PAPPA: variants seen among roughly 807,000 people sequenced by gnomAD.
The protein encoded by PAPPA is pappalysin-1.
A neutral mutation model predicts 164.0 loss-of-function variants in PAPPA; 60 were observed. The ratio of observed to expected loss-of-function variants is 0.37; its 90% CI spans 0.30 to 0.45. The LOEUF is 0.45. Among genes scored for constraint, PAPPA ranks in the 20% least tolerant of loss-of-function variants. PAPPA has a pLI of 1.00. For missense variants in PAPPA, 1,782 were observed against 2,087.3 expected (o/e 0.85, Z 2.85); for synonymous variants, 875 against 814.1 (o/e 1.07, Z -1.27).
At chr9:116,339,125 C>T (rs958191372) in intron 13 of PAPPA, among the ~76,000 whole-genome samples, 1 of 152,166 alleles carries the variant, frequency 6.6e-6, no homozygotes, top group Non-Finnish European at 1.5e-5. Context: ...GGCTGGTGTT[C>T]CATAGACCAT....
At chr9:116,228,517 G>C (rs1301328506) in intron 6 of PAPPA, among the ~76,000 whole-genome samples, 1 of 152,144 alleles carries the variant, frequency 6.6e-6, no homozygotes, top group African/African-American at 2.4e-5. Flanking sequence ...GCCAGAGATA[G>C]AATAAAGCAA....
intron 10 of PAPPA, among the ~76,000 whole-genome samples, chr9:116,328,677 T>C (rs1314611342): frequency 2.0e-5 from 3 of 152,222 alleles, no homozygotes; most frequent in Admixed American, 2.0e-4. Context: ...GCTTTATATA[T>C]ACAACAGGTG....
intron 9 of PAPPA, among the ~76,000 whole-genome samples, chr9:116,295,553 CAAA>C (rs56171405): frequency 1.7e-5 from 2 of 114,716 alleles, no homozygotes; most frequent in African/African-American, 3.6e-5. Flanking sequence ...GACTCGGTCT[CAAA>C]AAAAAAAAAA....
intron 2 of PAPPA, among the ~76,000 whole-genome samples, chr9:116,189,684 T>C (rs1372975900): frequency 6.6e-6 from 1 of 152,198 alleles, no homozygotes; most frequent in Non-Finnish European, 1.5e-5. Context: ...ATATCCACTT[T>C]CTTGTTTTTC....
At chr9:116,373,884 T>C (rs1459957303) in intron 19 of PAPPA, among the ~76,000 whole-genome samples, 1 of 152,118 alleles carries the variant, frequency 6.6e-6, no homozygotes, top group Non-Finnish European at 1.5e-5. Flanking sequence ...TTTTCTCTTG[T>C]GTAAACCAGA....
At chr9:116,385,044 G>A (rs1275425418) in intron 21 of PAPPA, among the ~76,000 whole-genome samples, 2 of 151,720 alleles carry the variant, frequency 1.3e-5, no homozygotes, top group African/African-American at 4.8e-5. Flanking sequence ...GACCAGCCTC[G>A]CCAAGATGGT....
chr9:116,360,576 A>G (rs1846412955), intron 17 of PAPPA, among the ~76,000 whole-genome samples: 1 of 152,112 alleles, frequency 6.6e-6, no homozygotes. Context: ...TTCATTCATA[A>G]TTTATTCCCT....
intron 17 of PAPPA, among the ~76,000 whole-genome samples, chr9:116,360,514 G>C (rs1347670747): frequency 6.6e-6 from 1 of 152,094 alleles, no homozygotes; most frequent in Admixed American, 6.5e-5. Flanking sequence ...TCACATAGGG[G>C]AGCCTCAGCC....
intron 8 of PAPPA, among the ~76,000 whole-genome samples, chr9:116,267,865 G>A (rs1178586538): frequency 1.7e-5 from 2 of 114,786 alleles, no homozygotes; most frequent in Non-Finnish European, 3.3e-5. Context: ...CTGGGCGACA[G>A]AGCGAGACTC....
At chr9:116,255,159 G>T (rs1412019155) in intron 7 of PAPPA, among the ~76,000 whole-genome samples, 3 of 151,816 alleles carry the variant, frequency 2.0e-5, no homozygotes, top group Admixed American at 6.6e-5. Context: ...TAGTTTTTGT[G>T]GTCTGTATTT....
chr9:116,322,840 C>T (rs1845876356), intron 10 of PAPPA, among the ~76,000 whole-genome samples: 1 of 151,966 alleles, frequency 6.6e-6, no homozygotes, highest in African/African-American at 2.4e-5. Context: ...TTTATGGGTA[C>T]TGTTAGTGTC....
chr9:116,362,455 A>C lies in PAPPA; in HGVS notation c.4348-137A>C, dbSNP rs1025161047. 3 of 876,616 alleles carry C rather than the reference A, an allele frequency of 3.4e-6. No homozygotes were observed. In the East Asian group the frequency reaches 8.2e-5, roughly 24 times the overall value. 54.3% of individuals were successfully genotyped at this position (876,616 alleles called of 1,614,324 possible). A position where few individuals can be genotyped will look rare whatever the true frequency, so the allele number is the denominator to read the frequency against. On this transcript the variant is annotated intron_variant, in intron 17 of 21. Transcript: ENST00000328252. ...CCTCTTTCAGGGTGGTTGAGTTTCA[A>C]CCATTGTTAAGAAATTGTTTTGGAA...
At chr9:116,241,956 T>C (rs998276457) in intron 7 of PAPPA, among the ~76,000 whole-genome samples, 6 of 152,172 alleles carry the variant, frequency 3.9e-5, no homozygotes, top group African/African-American at 1.2e-4. Context: ...TATGTATTAA[T>C]TTATTCATTC....
chr9:116,371,943 G>A (rs1002034659), intron 19 of PAPPA, among the ~76,000 whole-genome samples: 6 of 152,118 alleles, frequency 3.9e-5, no homozygotes, highest in Non-Finnish European at 8.8e-5. Flanking sequence ...CTATCACTAC[G>A]AATTGGTTTT....
Position 116,154,155 on chromosome 9 carries a change from C to CGGGGGGGAGGGGGCGAGGGGGGGGG in PAPPA, c.-12_-11insGAGGGGGCGAGGGGGGGGGGGGGGG. The stretch of plus-strand genomic sequence containing the variant: ...TGGCGGTGCAGGGGCGAAGGGGGGG[C>CGGGGGGGAGGGGGCGAGGGGGGGGG]GGGGGGAACCGTCGGACATGCGGCT... On this transcript the variant is annotated 5_prime_UTR_variant, in exon 1 of 22. Transcript: ENST00000328252. The surrounding 1 kb of genome is among the most constrained non-coding windows in gnomAD (Gnocchi z 5.2). The CGGGGGGGAGGGGGCGAGGGGGGGGG allele has an allele frequency of 4.3e-6, 2 of 464,990 alleles. No homozygotes were observed. Among genetic ancestry groups the CGGGGGGGAGGGGGCGAGGGGGGGGG allele is most frequent in the South Asian group, 2.9e-5 (1 of 34,000 alleles). The allele number at this position is 464,990 out of a possible 1,614,324, so 28.8% of individuals were successfully genotyped here.
intron 21 of PAPPA, among the ~76,000 whole-genome samples, chr9:116,388,003 G>A (rs111879403): frequency 1.8e-4 from 28 of 152,196 alleles, no homozygotes; most frequent in African/African-American, 6.5e-4. Context: ...ACTTCTTCCC[G>A]GTTCCCAGGG....
intron 8 of PAPPA, among the ~76,000 whole-genome samples, chr9:116,266,994 G>T (rs929133901): frequency 6.6e-6 from 1 of 152,192 alleles, no homozygotes; most frequent in African/African-American, 2.4e-5. Flanking sequence ...TCATTAAATA[G>T]CACTGTTGGG....
chr9:116,195,923 C>T (rs939279894), intron 2 of PAPPA, among the ~76,000 whole-genome samples: 2 of 151,968 alleles, frequency 1.3e-5, no homozygotes, highest in Admixed American at 6.6e-5. Flanking sequence ...CTGTATAAAC[C>T]GAATGCTAAT....
chr9:116,303,221 T>C (rs1396321242), intron 10 of PAPPA, among the ~76,000 whole-genome samples: 2 of 152,198 alleles, frequency 1.3e-5, no homozygotes, highest in African/African-American at 4.8e-5. Context: ...CCATTTTGCA[T>C]ATATCATGTA....
Sources: allele counts gnomAD v4.1 joint callset (sites outside exome capture counted in the v4.1 genomes callset), GRCh38; gene constraint gnomAD v4.1.1; non-coding constraint Gnocchi (gnomAD v3.1); transcripts MANE v1.5; gene names NCBI Gene and HGNC (gene_info 2026-07-23, HGNC 2026-07-21).